The following ALK variants were observed in gnomAD, a reference collection of about 807,000 sequenced individuals.
The protein encoded by ALK is ALK tyrosine kinase receptor.
ALK carries 74 observed loss-of-function variants against 163.1 expected under a neutral mutation model. That is an observed-to-expected ratio of 0.45 (90% CI 0.38 to 0.55). The LOEUF (loss-of-function observed/expected upper bound fraction) is 0.55. Ranked by LOEUF, ALK falls within the 20% of genes least tolerant of loss-of-function variation. The pLI, the probability that ALK is intolerant of heterozygous loss-of-function variation, is 0.00. For synonymous variants in ALK, 960 were observed against 843.2 expected (o/e 1.14, Z -2.40); for missense variants, 2,063 against 2,105.3 (o/e 0.98, Z 0.39).
At chr2:29,360,570 C>T (rs139367932) in intron 5 of ALK, among the ~76,000 whole-genome samples, 2 of 152,244 alleles carry the variant, frequency 1.3e-5, no homozygotes, top group Admixed American at 6.5e-5. Flanking sequence ...GCATCTTTCC[C>T]GTGTACAGCT....
intron 11 of ALK, among the ~76,000 whole-genome samples, chr2:29,264,121 C>A (rs1210372809): frequency 6.6e-6 from 1 of 152,220 alleles, no homozygotes; most frequent in Non-Finnish European, 1.5e-5. Flanking sequence ...GCCAGGCACC[C>A]TGGTCACTCC....
chr2:29,217,826 G>GAAGT (rs1043833469), intron 23 of ALK, among the ~76,000 whole-genome samples: 2 of 152,140 alleles, frequency 1.3e-5, no homozygotes, highest in African/African-American at 4.8e-5. Context: ...TCAGGCCTCT[G>GAAGT]AAGTCCAAGT....
chr2:29,479,966 C>T (rs12714284), intron 4 of ALK, among the ~76,000 whole-genome samples: 49,078 of 152,110 alleles, frequency 0.32, 8,694 homozygotes, highest in African/African-American at 0.46. Flanking sequence ...TCTTCCTAAA[C>T]AGCCCTTCTC....
chr2:29,699,275 T>C (rs1044132857), intron 2 of ALK, among the ~76,000 whole-genome samples: 3 of 152,208 alleles, frequency 2.0e-5, no homozygotes, highest in Non-Finnish European at 2.9e-5. Flanking sequence ...TTCCACGCAC[T>C]GTCCTGGGTG....
chr2:29,339,022 C>A (rs1258915704), intron 5 of ALK, among the ~76,000 whole-genome samples: 1 of 152,124 alleles, frequency 6.6e-6, no homozygotes, highest in African/African-American at 2.4e-5. Flanking sequence ...GCGGGCGGAT[C>A]ACCTGAGGTG....
intron 2 of ALK, among the ~76,000 whole-genome samples, chr2:29,699,453 A>G (rs772185090): frequency 1.5e-4 from 23 of 152,212 alleles, no homozygotes; most frequent in Non-Finnish European, 8.8e-5. Context: ...GATAATGCAG[A>G]ATATCCAGTG....
At chr2:29,739,097 G>A (rs1679974689) in intron 1 of ALK, among the ~76,000 whole-genome samples, 2 of 151,494 alleles carry the variant, frequency 1.3e-5, no homozygotes, top group East Asian at 3.9e-4. Context: ...AAAATAGCCA[G>A]GCATAGTGGC....
chr2:29,762,764 G>C (rs2148338263), intron 1 of ALK, among the ~76,000 whole-genome samples: 1 of 152,292 alleles, frequency 6.6e-6, no homozygotes, highest in South Asian at 2.1e-4. Flanking sequence ...TCCCTTTCTA[G>C]TTCCAAGCAT....
chr2:29,672,380 T>C (rs531255850), intron 3 of ALK, among the ~76,000 whole-genome samples: 25 of 145,488 alleles, frequency 1.7e-4, no homozygotes, highest in Admixed American at 1.7e-3. Context: ...CCTGTGTCCA[T>C]GTGATCTCAT....
At chr2:29,595,343 G>A (rs1298407096) in intron 3 of ALK, among the ~76,000 whole-genome samples, 1 of 124,972 alleles carries the variant, frequency 8.0e-6, no homozygotes, top group Non-Finnish European at 1.6e-5. Flanking sequence ...TTTTTTTTGA[G>A]ACAGAGTCTC....
At chr2:29,677,930 G>A (rs912806631) in intron 3 of ALK, among the ~76,000 whole-genome samples, 8 of 151,998 alleles carry the variant, frequency 5.3e-5, no homozygotes, top group Non-Finnish European at 1.2e-4. Context: ...TTCTTTTGGG[G>A]TAGATTTTCA....
At chr2:29,204,899 T>C (rs879615406) in intron 26 of ALK, among the ~76,000 whole-genome samples, 1 of 152,178 alleles carries the variant, frequency 6.6e-6, no homozygotes, top group Non-Finnish European at 1.5e-5. Context: ...CCTAGACTTA[T>C]CACTATTGAG....
At chr2:29,347,885 G>C (rs572414603) in intron 5 of ALK, among the ~76,000 whole-genome samples, 1 of 152,118 alleles carries the variant, frequency 6.6e-6, no homozygotes, top group Admixed American at 6.5e-5. Flanking sequence ...TAACACCCCC[G>C]GAGTTTCCGA....
intron 4 of ALK, among the ~76,000 whole-genome samples, chr2:29,514,913 C>A (rs1252993114): frequency 1.3e-5 from 2 of 152,188 alleles, no homozygotes; most frequent in African/African-American, 4.8e-5. Context: ...CTCCAACTGA[C>A]TTGCAGTTCC....
chr2:29,318,033 G>A (rs934284433), intron 8 of ALK, among the ~76,000 whole-genome samples: 2 of 152,196 alleles, frequency 1.3e-5, no homozygotes, highest in African/African-American at 4.8e-5. Context: ...TTATGCCATG[G>A]AAAATCTCTT....
At chr2:29,259,403 T>C (rs1381822292) in intron 11 of ALK, among the ~76,000 whole-genome samples, 3 of 152,202 alleles carry the variant, frequency 2.0e-5, no homozygotes, top group Non-Finnish European at 4.4e-5. Context: ...TAAGTATTTA[T>C]ATTTATTGCT....
intron 1 of ALK, chr2:29,899,720 G>A (rs555379535): frequency 1.3e-5 from 2 of 152,212 alleles, no homozygotes; most frequent in Non-Finnish European, 2.9e-5. Context: ...CAGCTACTCA[G>A]GAGGCTGAGG....
intron 3 of ALK, among the ~76,000 whole-genome samples, chr2:29,632,514 C>T (rs2148238029): frequency 6.6e-6 from 1 of 152,104 alleles, no homozygotes; most frequent in South Asian, 2.1e-4. Flanking sequence ...GGCTGAAGCC[C>T]TAATCTGATA....
rs563253206 is a variant in ALK, at chr2:29,823,712, A to G, written c.667+96281T>C. On this transcript the variant is annotated intron_variant, in intron 1 of 28. Coordinates refer to ENST00000389048, the MANE Select transcript of ALK (RefSeq NM_004304.5). ...GTGGATGAAATTTCTAAGCAGCAAAACATTCAAAAGGTGACTCTGGTGCTG... is the reference window on the plus strand; with the variant it reads ...GTGGATGAAATTTCTAAGCAGCAAAGCATTCAAAAGGTGACTCTGGTGCTG... Among the ~76,000 whole-genome samples, 84 of 152,278 alleles carry G rather than the reference A, an allele frequency of 5.5e-4. No individual in the cohort carries two copies. The South Asian group carries it at 0.013, about 24-fold the overall frequency.
Sources: allele counts gnomAD v4.1 joint callset (sites outside exome capture counted in the v4.1 genomes callset), GRCh38; gene constraint gnomAD v4.1.1; transcripts MANE v1.5; gene names NCBI Gene and HGNC (gene_info 2026-07-23, HGNC 2026-07-21).